GATB: variants seen among roughly 807,000 people sequenced by gnomAD.
GATB encodes the protein glutamyl-tRNA(Gln) amidotransferase subunit B, mitochondrial.
A neutral mutation model predicts 62.3 loss-of-function variants in GATB; 39 were observed. That is an observed-to-expected ratio of 0.63 (90% CI 0.48 to 0.82). The LOEUF (loss-of-function observed/expected upper bound fraction) is 0.82. Ranked by LOEUF, GATB falls within the 40% of genes least tolerant of loss-of-function variation. The pLI is 0.00. For synonymous variants in GATB, 276 were observed against 258.9 expected (o/e 1.07, Z -0.63); for missense variants, 670 against 684.0 (o/e 0.98, Z 0.23).
At chr4:151,754,685 T>A (rs1560868010) in intron 2 of GATB, among the ~76,000 whole-genome samples, 1 of 152,282 alleles carries the variant, frequency 6.6e-6, no homozygotes, top group Middle Eastern at 3.4e-3. Flanking sequence ...AATACCATGT[T>A]GAACCAAAGA....
chr4:151,714,701 A>C (rs1335589901), intron 5 of GATB, among the ~76,000 whole-genome samples: 1 of 152,354 alleles, frequency 6.6e-6, no homozygotes, highest in Admixed American at 6.5e-5. Flanking sequence ...ATTTTGAAGA[A>C]GAATGGGATA....
chr4:151,693,212 C>G (rs1314924405), intron 9 of GATB, among the ~76,000 whole-genome samples: 1 of 152,078 alleles, frequency 6.6e-6, no homozygotes, highest in East Asian at 1.9e-4. Context: ...ACACCAAATG[C>G]TAGTGCTGGG....
At chr4:151,685,225 G>A (rs1443097115) in intron 10 of GATB, among the ~76,000 whole-genome samples, 1 of 152,216 alleles carries the variant, frequency 6.6e-6, no homozygotes, top group Non-Finnish European at 1.5e-5. Flanking sequence ...TCTGGCTGGT[G>A]TGAATCTCCC....
chr4:151,684,401 T>C (rs1738203096), intron 10 of GATB, among the ~76,000 whole-genome samples: 1 of 152,218 alleles, frequency 6.6e-6, no homozygotes, highest in African/African-American at 2.4e-5. Flanking sequence ...AAAGCCAAGT[T>C]CAACAAGAGG....
intron 5 of GATB, among the ~76,000 whole-genome samples, chr4:151,715,409 C>CTT (rs1457457400): frequency 1.3e-5 from 2 of 152,212 alleles, no homozygotes; most frequent in African/African-American, 4.8e-5. Flanking sequence ...TGACCAAAAC[C>CTT]TATGATCTTT....
At chr4:151,747,217 T>C (rs888281113) in intron 2 of GATB, among the ~76,000 whole-genome samples, 3 of 152,110 alleles carry the variant, frequency 2.0e-5, no homozygotes, top group African/African-American at 2.4e-5. Flanking sequence ...TAAAGCACCT[T>C]GGGGGCAGAA....
intron 9 of GATB, among the ~76,000 whole-genome samples, chr4:151,690,376 G>A (rs1013936845): frequency 1.3e-5 from 2 of 152,230 alleles, no homozygotes; most frequent in African/African-American, 2.4e-5. Flanking sequence ...AGGCCACCTC[G>A]GCAGCCCAAG....
At chr4:151,753,282 C>CA (rs1299089508) in intron 2 of GATB, among the ~76,000 whole-genome samples, 1 of 152,154 alleles carries the variant, frequency 6.6e-6, no homozygotes, top group Non-Finnish European at 1.5e-5. Flanking sequence ...GCACTGTACT[C>CA]AGACTCTGAC....
At chr4:151,732,066 C>T (rs1330385760) in intron 2 of GATB, among the ~76,000 whole-genome samples, 1 of 143,406 alleles carries the variant, frequency 7.0e-6, no homozygotes, top group African/African-American at 2.6e-5. Flanking sequence ...GGGGGGTCAG[C>T]CCCCGCCCGG....
In GATB at chr4:151,730,532, C is replaced by T. The variant is rs1739222037; in HGVS notation, c.328-10994G>A. Among the ~76,000 whole-genome samples the T allele has an allele frequency of 6.6e-6, 1 of 152,244 alleles. No individual in the cohort carries two copies. The highest frequency in any genetic ancestry group is 6.5e-5 in the Admixed American group (1 of 15,290). On this transcript the variant is annotated intron_variant, in intron 2 of 12. Transcript: ENST00000263985. The surrounding 1 kb of genome is among the most constrained non-coding windows in gnomAD (Gnocchi z 4.1). ...CCACGGAGTCCACTGCACCCTCTGC[C>T]ACCTTCACCAGAACAGGCGCTGGTA...
chr4:151,689,929 C>T (rs1394611120), intron 9 of GATB, among the ~76,000 whole-genome samples: 1 of 152,092 alleles, frequency 6.6e-6, no homozygotes, highest in East Asian at 1.9e-4. Context: ...AAAATAAAAA[C>T]TGTGCTGCTC....
At chr4:151,760,238 T>A (rs1215774401) in intron 1 of GATB, among the ~76,000 whole-genome samples, 2 of 152,186 alleles carry the variant, frequency 1.3e-5, no homozygotes, top group Non-Finnish European at 2.9e-5. Context: ...TCAGGGGATA[T>A]CTGGCCAAAT....
intron 3 of GATB, among the ~76,000 whole-genome samples, chr4:151,718,792 A>G (rs1421116724): frequency 6.6e-6 from 1 of 152,204 alleles, no homozygotes; most frequent in Non-Finnish European, 1.5e-5. Context: ...CAATAGTATG[A>G]AAAATTGGCT....
rs769705880 is a variant in GATB at position 151,716,084 on chromosome 4, C to T, written c.688G>A (p.Glu230Lys). Residue 230 changes from glutamate to lysine, a missense_variant, in exon 5 of 13, where the codon GAA becomes AAA. Glu to Lys is a moderately conservative substitution (Grantham distance 56). Coordinates refer to ENST00000263985, the MANE Select transcript of GATB (RefSeq NM_004564.3). ...VVLEPDMSCGEEAATAVRELQ... is the reference protein window; with the variant it reads ...VVLEPDMSCGKEAATAVRELQ... ...TCCCTGACAGCTGTTGCCGCCTCTT[C>T]TCCACAGGACATGTCGGGCTCCAGG... The T allele has an allele frequency of 1.8e-4, 288 of 1,613,970 alleles. 1 individual carries two copies. In the Middle Eastern group the frequency reaches 2.1e-3, roughly 12 times the overall value.
intron 2 of GATB, among the ~76,000 whole-genome samples, chr4:151,747,186 A>G (rs766654685): frequency 1.6e-4 from 24 of 152,202 alleles, no homozygotes; most frequent in Non-Finnish European, 3.1e-4. Context: ...TGGGCTGATG[A>G]GACATCAGAT....
chr4:151,726,979 C>T (rs533818381), intron 2 of GATB, among the ~76,000 whole-genome samples: 6 of 152,220 alleles, frequency 3.9e-5, no homozygotes, highest in Non-Finnish European at 7.4e-5. Flanking sequence ...TGCAGTGGCC[C>T]GATCACAGCT....
intron 2 of GATB, among the ~76,000 whole-genome samples, chr4:151,728,174 C>T (rs1294977287): frequency 6.6e-6 from 1 of 152,104 alleles, no homozygotes; most frequent in Non-Finnish European, 1.5e-5. Context: ...TGTATGCCTT[C>T]CCATGGCCAA....
At chr4:151,749,891 G>GT (rs1182263607) in intron 2 of GATB, among the ~76,000 whole-genome samples, 37 of 150,222 alleles carry the variant, frequency 2.5e-4, no homozygotes, top group African/African-American at 6.8e-4. Context: ...TTTGTGTTTT[G>GT]TTTTTTTTTG....
At chr4:151,715,985 G>T (rs759075070) in intron 5 of GATB, 24 bp downstream of exon 5, 3 of 1,610,294 alleles carry the variant, frequency 1.9e-6, no homozygotes, top group Non-Finnish European at 2.5e-6. Context: ...AGGGAAAGAA[G>T]AATACTGCTT....
Sources: gnomAD v4.1 joint callset for allele counts (sites outside exome capture counted in the v4.1 genomes callset) on GRCh38, gnomAD v4.1.1 for gene constraint, Gnocchi (gnomAD v3.1) non-coding constraint, MANE v1.5 for transcripts, NCBI Gene and HGNC (gene_info 2026-07-23, HGNC 2026-07-21) for gene names.